The following SPAST variants were observed in gnomAD, a reference collection of about 807,000 sequenced individuals.
The protein encoded by SPAST is spastic paraplegia 4 (autosomal dominant; spastin).
In SPAST, 30 loss-of-function variants were observed where a neutral mutation model predicts 76.6. The observed-to-expected ratio is 0.39, with a 90% CI of 0.29 to 0.53. The LOEUF is 0.53. Among genes scored for constraint, SPAST ranks in the 20% least tolerant of loss-of-function variants. SPAST has a pLI of 0.68. For missense variants in SPAST, 717 were observed against 770.5 expected (o/e 0.93, Z 0.82); for synonymous variants, 305 against 281.0 (o/e 1.09, Z -0.86).
chr2:32,125,880 C>T (rs939467303), intron 7 of SPAST, among the ~76,000 whole-genome samples: 10 of 152,092 alleles, frequency 6.6e-5, no homozygotes, highest in African/African-American at 1.7e-4. Context: ...ATACACGCTC[C>T]GCCTCCCGGG....
At chr2:32,123,471 C>T (rs1051286219) in intron 7 of SPAST, among the ~76,000 whole-genome samples, 4 of 152,214 alleles carry the variant, frequency 2.6e-5, no homozygotes, top group East Asian at 1.9e-4. Flanking sequence ...GTTCATATAT[C>T]GATTCAGTGC....
intron 7 of SPAST, among the ~76,000 whole-genome samples, chr2:32,120,585 T>TG (rs1029866182): frequency 1.3e-5 from 2 of 151,748 alleles, no homozygotes; most frequent in Admixed American, 1.3e-4. Flanking sequence ...TTTTTTTTTT[T>TG]TTTTTCCCAG....
At chr2:32,084,534 T>TAA (rs1415643995) in intron 1 of SPAST, among the ~76,000 whole-genome samples, 3 of 152,122 alleles carry the variant, frequency 2.0e-5, no homozygotes, top group African/African-American at 7.2e-5. Context: ...AGAAAAATGT[T>TAA]ACAGCATTGT....
Position 32,084,887 on chromosome 2 carries a change from CAAAAAAAAAAAA to C in SPAST, c.416-2593_416-2582del, listed in dbSNP as rs34046587. ...TGGGCAATAGAGTGAGACTCCGTCT[CAAAAAAAAAAAA>C]AAAAAAAAAAAGGGAAGGAGCATGG... On this transcript the variant is annotated intron_variant, in intron 1 of 16. Coordinates refer to ENST00000315285, the MANE Select transcript of SPAST (RefSeq NM_014946.4). 1.7e-3 allele frequency among the ~76,000 whole-genome samples: 141 copies of C among 81,572 alleles called. 1 individual carries two copies. Among genetic ancestry groups the C allele is most frequent in the African/African-American group, 6.7e-3 (138 of 20,726 alleles). 53.5% of individuals were successfully genotyped at this position (81,572 alleles called of 152,430 possible). A position where few individuals can be genotyped will look rare whatever the true frequency, so the allele number is the denominator to read the frequency against.
At chr2:32,089,755 G>A in intron 3 of SPAST, 150 bp downstream of exon 3, 1 of 606,304 alleles carries the variant, frequency 1.6e-6, no homozygotes. Flanking sequence ...AAAAACAGAA[G>A]AGCATAATGG....
intron 11 of SPAST, 61 bp from the exon 12 acceptor site, chr2:32,137,048 A>G (rs1483995056): frequency 1.9e-6 from 3 of 1,554,784 alleles, no homozygotes; most frequent in Non-Finnish European, 2.7e-6. Flanking sequence ...TAAAAATACA[A>G]ATATCTTTAT....
chr2:32,118,541 G>A (rs1420239981), intron 7 of SPAST, among the ~76,000 whole-genome samples: 3 of 152,076 alleles, frequency 2.0e-5, no homozygotes, highest in Non-Finnish European at 4.4e-5. Context: ...TATAAGATTA[G>A]TAAATGCTAT....
At chr2:32,076,286 G>A (rs1676959958) in intron 1 of SPAST, among the ~76,000 whole-genome samples, 1 of 152,136 alleles carries the variant, frequency 6.6e-6, no homozygotes, top group Non-Finnish European at 1.5e-5. Context: ...TCTTTACATA[G>A]GGTTTAAAAC....
At chr2:32,142,000 A>G (rs2148758355) in intron 13 of SPAST, 54 bp downstream of exon 13, 4 of 1,297,954 alleles carry the variant, frequency 3.1e-6, no homozygotes, top group Non-Finnish European at 4.5e-6. Flanking sequence ...AAGAACTACC[A>G]TCTTGACAAT....
chr2:32,134,299 G>A (rs1481036809), intron 9 of SPAST, among the ~76,000 whole-genome samples: 2 of 151,972 alleles, frequency 1.3e-5, no homozygotes, highest in Admixed American at 6.6e-5. Flanking sequence ...TCAGGAGTTC[G>A]AGACCAGCCT....
chr2:32,127,145 G>GT lies in SPAST; in HGVS notation c.1173+131dup, dbSNP rs754780066. On this transcript the variant is annotated intron_variant, in intron 8 of 16. Transcript: ENST00000315285. ...TTGCTTTTTGCTATTGTACACTTTTGTTTTTTTTGTTTGTTTGTTTTGTTT... is the reference window on the plus strand; with the variant it reads ...TTGCTTTTTGCTATTGTACACTTTTGTTTTTTTTTGTTTGTTTGTTTTGTTT... 975 of 745,422 alleles carry GT rather than the reference G, an allele frequency of 1.3e-3. 5 individuals are homozygous for GT. Among genetic ancestry groups the GT allele is most frequent in the South Asian group, 3.6e-3 (238 of 66,296 alleles). The allele number at this position is 745,422 out of a possible 1,614,324, so 46.2% of individuals were successfully genotyped here. A position where few individuals can be genotyped will look rare whatever the true frequency, so the allele number is the denominator to read the frequency against.
intron 13 of SPAST, 78 bp from the exon 14 acceptor site, chr2:32,143,258 C>T: frequency 1.2e-6 from 1 of 865,114 alleles, no homozygotes. Context: ...CAGCACAAGA[C>T]CCTGTCTCAA....
chr2:32,084,993 A>AATTAAAATTTTTAAAATTTTAAT (rs1362710727), intron 1 of SPAST, among the ~76,000 whole-genome samples: 1 of 151,936 alleles, frequency 6.6e-6, no homozygotes, highest in Non-Finnish European at 1.5e-5. Context: ...TTGTTTTTAA[A>AATTAAAATTTTTAAAATTTTAAT]ATTTTAAGCC....
At chr2:32,145,119 T>C (rs1277018247) in intron 15 of SPAST, 112 bp downstream of exon 15, 2 of 740,150 alleles carry the variant, frequency 2.7e-6, no homozygotes, top group Non-Finnish European at 4.7e-6. Context: ...GGAGACAGGG[T>C]CTCACTCTGT....
intron 6 of SPAST, 80 bp from the exon 7 acceptor site, chr2:32,116,039 A>G: frequency 1.8e-6 from 2 of 1,083,672 alleles, no homozygotes; most frequent in Non-Finnish European, 1.4e-6. Flanking sequence ...AAATAACTAT[A>G]TGTCATAGGG....
intron 9 of SPAST, chr2:32,130,507 T>C (rs1679334860): frequency 1.3e-5 from 2 of 151,822 alleles, no homozygotes; most frequent in Admixed American, 1.3e-4. Context: ...TCACCTGAGG[T>C]CAGGAGTTCA....
At chr2:32,083,313 G>A (rs966731291) in intron 1 of SPAST, among the ~76,000 whole-genome samples, 1 of 152,004 alleles carries the variant, frequency 6.6e-6, no homozygotes, top group Non-Finnish European at 1.5e-5. Context: ...GGTCTTAGAA[G>A]TTTGCATTTT....
At chr2:32,080,825 C>CA in intron 1 of SPAST, among the ~76,000 whole-genome samples, 1 of 109,326 alleles carries the variant, frequency 9.1e-6, no homozygotes, top group East Asian at 3.2e-4. Context: ...GATGGAGTCT[C>CA]ACTCTGTTGC....
intron 4 of SPAST, among the ~76,000 whole-genome samples, chr2:32,112,648 A>G (rs1678660810): frequency 1.3e-5 from 2 of 151,164 alleles, no homozygotes; most frequent in South Asian, 4.2e-4. Context: ...GCCCAGCCTA[A>G]TGTGGATTTT....
Sources: allele counts gnomAD v4.1 joint callset (sites outside exome capture counted in the v4.1 genomes callset), GRCh38; gene constraint gnomAD v4.1.1; transcripts MANE v1.5; gene names NCBI Gene and HGNC (gene_info 2026-07-23, HGNC 2026-07-21).